The following PSMD1 variants were observed in gnomAD, a reference collection of about 807,000 sequenced individuals.
The protein encoded by PSMD1 is 26S proteasome non-ATPase regulatory subunit 1.
In PSMD1, 18 loss-of-function variants were observed where a neutral mutation model predicts 119.0. The ratio of observed to expected loss-of-function variants is 0.15; its 90% CI spans 0.10 to 0.22. The LOEUF is 0.22. Ranked by LOEUF, PSMD1 falls within the 10% of genes least tolerant of loss-of-function variation. The pLI, the probability that PSMD1 is intolerant of heterozygous loss-of-function variation, is 1.00. For missense variants in PSMD1, 702 were observed against 1,158.5 expected, an observed-to-expected ratio of 0.61 and a Z score of 5.72; for synonymous variants, 374 against 396.6, an observed-to-expected ratio of 0.94 and a Z score of 0.68.
intron 16 of PSMD1, among the ~76,000 whole-genome samples, chr2:231,125,620 C>A (rs1574755338): frequency 6.6e-6 from 1 of 152,180 alleles, no homozygotes. Flanking sequence ...CAGATGATCT[C>A]TGGGTTTAGG....
intron 15 of PSMD1, among the ~76,000 whole-genome samples, chr2:231,086,749 C>G (rs1404787439): frequency 6.6e-6 from 1 of 152,076 alleles, no homozygotes; most frequent in African/African-American, 2.4e-5. Flanking sequence ...TTTTCAATAA[C>G]TTTTTCTAAA....
chr2:231,165,674 C>T (rs896504376), intron 22 of PSMD1, among the ~76,000 whole-genome samples, 197 bp from the exon 23 acceptor site: 4 of 151,954 alleles, frequency 2.6e-5, no homozygotes, highest in Admixed American at 2.6e-4. Flanking sequence ...CCTTTAAAAC[C>T]AAGTCAAATA....
In PSMD1 at chr2:231,140,453, G is replaced by A. The variant is rs988266403; in HGVS notation, c.1998+1603G>A. Among the ~76,000 whole-genome samples the A allele has an allele frequency of 5.0e-5, 7 of 139,538 alleles. No homozygotes were observed. The East Asian group carries it at 6.3e-4, about 12-fold the overall frequency. The allele number at this position is 139,538 out of a possible 152,430, so 91.5% of individuals were successfully genotyped here. On this transcript the variant is annotated intron_variant, in intron 17 of 24. Coordinates refer to ENST00000308696, the MANE Select transcript of PSMD1 (RefSeq NM_002807.4). ...AGAAGTTGCAGTGAGCCAAAATCCC[G>A]CTATTGCACTTCAGCCTGGGTGACA...
chr2:231,080,362 G>GT (rs1165288808), intron 12 of PSMD1, 48 bp downstream of exon 12: 1 of 1,425,336 alleles, frequency 7.0e-7, no homozygotes, highest in East Asian at 2.5e-5. Flanking sequence ...AAGAATCCAG[G>GT]ATAACATATT....
rs566090245 is a variant in PSMD1, at chr2:231,092,421, G to A, written c.1883+5240G>A. Reference sequence around the variant, plus strand: ...GGTAGTGCAAATCAGGCACTGATCTGTGTGATTATGAATAAAGGTCACAGT... The same window carrying A: ...GGTAGTGCAAATCAGGCACTGATCTATGTGATTATGAATAAAGGTCACAGT... On this transcript the variant is annotated intron_variant, in intron 16 of 24. Coordinates refer to ENST00000308696, the MANE Select transcript of PSMD1 (RefSeq NM_002807.4). Among the ~76,000 whole-genome samples, 4 of 152,288 alleles carry A rather than the reference G, an allele frequency of 2.6e-5. No homozygotes were observed. In the South Asian group the frequency reaches 8.3e-4, roughly 32 times the overall value.
rs1043747302 is a variant in PSMD1 at position 231,172,724 on chromosome 2, G to A, written c.*199G>A. ...TGAGTGTGCTCTTTCACAGAACTTGGTTTTCAAATAAATATAAGATCTCCA... is the reference window on the plus strand; with the variant it reads ...TGAGTGTGCTCTTTCACAGAACTTGATTTTCAAATAAATATAAGATCTCCA... On this transcript the variant is annotated 3_prime_UTR_variant, in exon 25 of 25. Coordinates refer to ENST00000308696, the MANE Select transcript of PSMD1 (RefSeq NM_002807.4). 1.3e-4 allele frequency: 20 copies of A among 152,106 alleles called. No individual in the cohort carries two copies. The highest frequency in any genetic ancestry group is 4.6e-4 in the African/African-American group (19 of 41,380). 9.4% of individuals were successfully genotyped at this position (152,106 alleles called of 1,614,324 possible). A position where few individuals can be genotyped will look rare whatever the true frequency, so the allele number is the denominator to read the frequency against.
At chr2:231,134,327 A>C (rs1695921238) in intron 16 of PSMD1, among the ~76,000 whole-genome samples, 1 of 152,210 alleles carries the variant, frequency 6.6e-6, no homozygotes, top group African/African-American at 2.4e-5. Context: ...AGGAGGAAGG[A>C]GACTCTGATC....
intron 17 of PSMD1, among the ~76,000 whole-genome samples, chr2:231,144,418 ATTTTTTTTTTTTTTT>A (rs751682132): frequency 6.6e-5 from 5 of 75,192 alleles, no homozygotes; most frequent in African/African-American, 2.8e-4. Flanking sequence ...CGCCCAGCTA[ATTTTTTTTTTTTTTT>A]TTTTTTTTTT....
intron 18 of PSMD1, among the ~76,000 whole-genome samples, chr2:231,150,215 C>T (rs1696342874): frequency 6.6e-6 from 1 of 151,914 alleles, no homozygotes; most frequent in Admixed American, 6.6e-5. Flanking sequence ...AGTGTGGTGG[C>T]AGGCGCCTGT....
At chr2:231,096,513 G>A (rs1694729919) in intron 16 of PSMD1, among the ~76,000 whole-genome samples, 1 of 152,198 alleles carries the variant, frequency 6.6e-6, no homozygotes, top group Non-Finnish European at 1.5e-5. Context: ...CTCCCAACTG[G>A]TTTCCAGAGC....
intron 16 of PSMD1, among the ~76,000 whole-genome samples, chr2:231,104,180 T>G (rs1006252004): frequency 3.9e-5 from 6 of 152,208 alleles, no homozygotes; most frequent in African/African-American, 1.4e-4. Context: ...TTCTGCCACA[T>G]AGGAAGTTGA....
chr2:231,097,816 T>G (rs1356735801), intron 16 of PSMD1, among the ~76,000 whole-genome samples: 1 of 152,132 alleles, frequency 6.6e-6, no homozygotes, highest in African/African-American at 2.4e-5. Context: ...CTCTGGTTGA[T>G]GAAATGCCAG....
At position 231,100,891 on chromosome 2, in the gene PSMD1, C is replaced by G. The variant is rs561778453; in HGVS notation, c.1883+13710C>G. 3.9e-5 allele frequency among the ~76,000 whole-genome samples: 6 copies of G among 152,328 alleles called. No homozygotes were observed. The East Asian group carries it at 1.2e-3, about 29-fold the overall frequency. ...CAATGACTTACTGACTGCGCAGTTT[C>G]TTCACCTTCATTTTCGAGGGTTCCC... On this transcript the variant is annotated intron_variant, in intron 16 of 24. Transcript: ENST00000308696.
intron 16 of PSMD1, among the ~76,000 whole-genome samples, chr2:231,094,293 C>T (rs1559227497): frequency 1.3e-5 from 2 of 151,978 alleles, no homozygotes; most frequent in African/African-American, 2.4e-5. Context: ...AAAATTGATG[C>T]AATTGGGTGG....
chr2:231,069,286 T>C (rs1164336993), intron 5 of PSMD1, among the ~76,000 whole-genome samples: 1 of 152,226 alleles, frequency 6.6e-6, no homozygotes, highest in South Asian at 2.1e-4. Context: ...TAATACCTAC[T>C]CTTACTACTT....
chr2:231,085,817 G>A (rs149927518), intron 15 of PSMD1, among the ~76,000 whole-genome samples: 8 of 152,266 alleles, frequency 5.3e-5, no homozygotes, highest in African/African-American at 1.9e-4. Flanking sequence ...GACATTCCAC[G>A]TGTCTTAATA....
At position 231,161,466 on chromosome 2, in the gene PSMD1, C is replaced by T. The variant is rs774004378; in HGVS notation, c.2345C>T (p.Ala782Val). Residue 782 changes from alanine to valine, a missense_variant, in exon 20 of 25, where the codon GCT becomes GTT. Physicochemically the swap from Ala to Val is moderately conservative, Grantham distance 64. Transcript: ENST00000308696. ...CCTCTTTCACACTTCCTGTCATTGG[C>T]TTATACCCCTACCTGTGTCATTGGC... ...WFPLSHFLSL[A>V]YTPTCVIGLN... 1.2e-6 allele frequency: 2 copies of T among 1,614,054 alleles called. No individual in the cohort carries two copies. The highest frequency in any genetic ancestry group is 1.3e-5 in the African/African-American group (1 of 75,020).
At chr2:231,127,903 A>T (rs1044661155) in intron 16 of PSMD1, among the ~76,000 whole-genome samples, 2 of 152,236 alleles carry the variant, frequency 1.3e-5, no homozygotes, top group African/African-American at 2.4e-5. Flanking sequence ...AACTCTTACT[A>T]AAGTAACTTC....
At chr2:231,133,381 C>T (rs1223218804) in intron 16 of PSMD1, 1 of 152,166 alleles carries the variant, frequency 6.6e-6, no homozygotes, top group African/African-American at 2.4e-5. Flanking sequence ...AACACTGTGG[C>T]ACTTACCTAA....
Sources: allele counts gnomAD v4.1 joint callset (sites outside exome capture counted in the v4.1 genomes callset), GRCh38; gene constraint gnomAD v4.1.1; transcripts MANE v1.5; gene names NCBI Gene and HGNC (gene_info 2026-07-23, HGNC 2026-07-21).